Variants in OLFML2A observed in about 807,000 individuals in gnomAD.
The protein encoded by OLFML2A is olfactomedin like 2A.
A neutral mutation model predicts 60.9 loss-of-function variants in OLFML2A; 47 were observed. The ratio of observed to expected loss-of-function variants is 0.77; its 90% confidence interval spans 0.61 to 0.98. OLFML2A has a LOEUF of 0.98. Among genes scored for constraint, OLFML2A ranks in the 50% least tolerant of loss-of-function variants. The probability of loss-of-function intolerance (pLI) is 0.00; values close to 1 mark genes in which losing one functional copy is unlikely to be tolerated. For synonymous variants in OLFML2A, 372 were observed against 375.0 expected (o/e 0.99, Z 0.09); for missense variants, 922 against 879.8 (o/e 1.05, Z -0.61).
chr9:124,806,931 T>C (rs1841905875), intron 6 of OLFML2A, among the ~76,000 whole-genome samples: 1 of 151,750 alleles, frequency 6.6e-6, no homozygotes, highest in East Asian at 1.9e-4. Flanking sequence ...TTATTTTTTT[T>C]GAGGCGGTGT....
intron 2 of OLFML2A, among the ~76,000 whole-genome samples, chr9:124,787,557 AT>A (rs376975857): frequency 1.3e-5 from 2 of 148,782 alleles, no homozygotes; most frequent in East Asian, 4.1e-4. Context: ...ATTTTATTTT[AT>A]TTTATTTTAT....
At position 124,787,216 on chromosome 9, in the gene OLFML2A, A is replaced by G. The variant is rs200507889; in HGVS notation, c.332A>G (p.Lys111Arg). 3.0e-4 allele frequency: 486 copies of G among 1,613,998 alleles called. No homozygotes were observed. The highest frequency in any genetic ancestry group is 3.8e-4 in the Non-Finnish European group (447 of 1,179,972). Residue 111 changes from lysine to arginine, a missense_variant, in exon 2 of 8, where the codon AAG (lysine) becomes AGG (arginine). Lys to Arg is a conservative substitution (Grantham distance 26). Coordinates refer to ENST00000373580, the MANE Select transcript of OLFML2A (RefSeq NM_182487.4). ...GAGTGGAAGATGGAGAAACTCAAAAAGCAGGCGCCCGAGCTCCTCAAGGTA... is the reference window on the plus strand; with the variant it reads ...GAGTGGAAGATGGAGAAACTCAAAAGGCAGGCGCCCGAGCTCCTCAAGGTA... ...ENEWKMEKLKKQAPELLKLQS... is the reference protein window; with the variant it reads ...ENEWKMEKLKRQAPELLKLQS...
chr9:124,793,600 G>A (rs1007931649), intron 2 of OLFML2A, among the ~76,000 whole-genome samples: 1 of 152,304 alleles, frequency 6.6e-6, no homozygotes, highest in Non-Finnish European at 1.5e-5. Flanking sequence ...GTGGCCTTGG[G>A]CAAGTCACTT....
rs1842046368 is a variant in OLFML2A at position 124,812,779 on chromosome 9, A to G, written c.*2367A>G. On this transcript the variant is annotated 3_prime_UTR_variant, in exon 8 of 8. Transcript: ENST00000373580. ...GGCCCCCCTTTCTTCATTAATCTGAAAAAAAGGAAAGTGAGAATAGGCTGA... is the reference window on the plus strand; with the variant it reads ...GGCCCCCCTTTCTTCATTAATCTGAGAAAAAGGAAAGTGAGAATAGGCTGA... 6.6e-6 allele frequency: 1 copy of G among 152,168 alleles called. No individual in the cohort carries two copies. The highest frequency in any genetic ancestry group is 6.6e-5 in the Admixed American group (1 of 15,266). 9.4% of individuals were successfully genotyped at this position (152,168 alleles called of 1,614,324 possible). A position where few individuals can be genotyped will look rare whatever the true frequency, so the allele number is the denominator to read the frequency against.
In OLFML2A at chr9:124,799,261, C is replaced by T. The variant is rs201018322; in HGVS notation, c.463-24C>T. ...TCAGAGGAAGCTGGCCCAGGAAAGACCTCCAATCCTGCCCCCTCCGCAGAG... is the reference window on the plus strand; with the variant it reads ...TCAGAGGAAGCTGGCCCAGGAAAGATCTCCAATCCTGCCCCCTCCGCAGAG... On this transcript the variant is annotated intron_variant, in intron 3 of 7. Coordinates refer to ENST00000373580, the MANE Select transcript of OLFML2A (RefSeq NM_182487.4). The T allele has an allele frequency of 3.2e-6, 5 of 1,538,724 alleles. No individual in the cohort carries two copies. In the African/African-American group the frequency reaches 4.1e-5, roughly 12 times the overall value.
At position 124,788,991 on chromosome 9, in the gene OLFML2A, C is replaced by T. The variant is rs574056731; in HGVS notation, c.354+1753C>T. On this transcript the variant is annotated intron_variant, in intron 2 of 7. Coordinates refer to ENST00000373580, the MANE Select transcript of OLFML2A (RefSeq NM_182487.4). The stretch of plus-strand genomic sequence containing the variant: ...TCTGTTGCCCAGGCTGGAGTGCAGT[C>T]GTGCAAACACAGTTCACTGCAGCCT... Among the ~76,000 whole-genome samples, 8 of 152,144 alleles carry T rather than the reference C, an allele frequency of 5.3e-5. No individual in the cohort carries two copies. In the South Asian group the frequency reaches 1.0e-3, roughly 20 times the overall value.
intron 2 of OLFML2A, among the ~76,000 whole-genome samples, chr9:124,794,352 A>G (rs1588883276): frequency 6.6e-6 from 1 of 152,240 alleles, no homozygotes; most frequent in Non-Finnish European, 1.5e-5. Flanking sequence ...GAAGCCAGGG[A>G]CGGGCACAAA....
At chr9:124,793,373 G>T (rs1841603777) in intron 2 of OLFML2A, among the ~76,000 whole-genome samples, 1 of 152,210 alleles carries the variant, frequency 6.6e-6, no homozygotes, top group Non-Finnish European at 1.5e-5. Context: ...CTGGGCAAGG[G>T]AGGCCCAGCA....
At chr9:124,791,737 C>CAAAAAAAAAAA (rs10553820) in intron 2 of OLFML2A, among the ~76,000 whole-genome samples, 2 of 74,880 alleles carry the variant, frequency 2.7e-5, no homozygotes, top group African/African-American at 5.1e-5. Context: ...GACTCTGTCT[C>CAAAAAAAAAAA]AAAAAAAAAA....
At chr9:124,800,795 C>G in intron 4 of OLFML2A, 1 of 1,314,234 alleles carries the variant, frequency 7.6e-7, no homozygotes, top group Non-Finnish European at 9.8e-7. Flanking sequence ...GTCACAGGCC[C>G]TGTGTTCTTG....
chr9:124,780,120 C>A (rs555727162), intron 1 of OLFML2A, among the ~76,000 whole-genome samples: 2 of 152,160 alleles, frequency 1.3e-5, no homozygotes, highest in Non-Finnish European at 2.9e-5. Flanking sequence ...AGTGCTTTGT[C>A]GGGGCTGGGA....
chr9:124,810,540 G>T lies in OLFML2A; in HGVS notation c.*128G>T. On this transcript the variant is annotated 3_prime_UTR_variant, in exon 8 of 8. Transcript: ENST00000373580. ...CCAGGGCTGGGACTGGGCATGAGGT[G>T]GTCACCAGGATTGAGCTTCCTCAGC... 1.0e-6 allele frequency: 1 copy of T among 959,418 alleles called. No homozygotes were observed. The allele number at this position is 959,418 out of a possible 1,614,324, so 59.4% of individuals were successfully genotyped here. A position where few individuals can be genotyped will look rare whatever the true frequency, so the allele number is the denominator to read the frequency against.
intron 1 of OLFML2A, among the ~76,000 whole-genome samples, chr9:124,782,300 G>A (rs1157182818): frequency 5.3e-5 from 8 of 152,222 alleles, no homozygotes; most frequent in Admixed American, 4.6e-4. Flanking sequence ...CTGATGCTCA[G>A]CTTTCTCCTC....
chr9:124,809,532 C>T (rs1841960753), intron 7 of OLFML2A, among the ~76,000 whole-genome samples: 1 of 151,970 alleles, frequency 6.6e-6, no homozygotes. Flanking sequence ...AAGAATGGGG[C>T]TGATGTCACC....
In OLFML2A at chr9:124,810,243, A is replaced by G. The variant is rs749877608; in HGVS notation, c.1790A>G (p.Gln597Arg). ...AVDTYNQQEG[Q>R]VAYAFDTHTG... ...GACACGTACAACCAGCAGGAAGGCC[A>G]GGTCGCCTACGCTTTCGACACGCAC... The change falls in exon 8 of 8, where the codon CAG becomes CGG. Residue 597 changes from glutamine (Q) to arginine (R), a missense_variant. By Grantham distance (43) the Gln-to-Arg change is conservative. Transcript: ENST00000373580. The G allele has an allele frequency of 6.2e-7, 1 of 1,613,170 alleles. No homozygotes were observed. The highest frequency in any genetic ancestry group is 1.1e-5 in the South Asian group (1 of 91,080).
At chr9:124,780,362 G>A (rs10125041) in intron 1 of OLFML2A, among the ~76,000 whole-genome samples, 18,460 of 152,220 alleles carry the variant, frequency 0.12, 2,792 homozygotes, top group African/African-American at 0.34. Context: ...AAGGGGTGGG[G>A]AGGGGGTCTT....
At position 124,801,411 on chromosome 9, in the gene OLFML2A, C is replaced by A. The variant is rs778495989; in HGVS notation, c.670-3C>A. On this transcript the variant is annotated splice_polypyrimidine_tract_variant and splice_region_variant and intron_variant, in intron 4 of 7. Transcript: ENST00000373580. ...CAAGTCTGAGACTTCTCTTCCCTCC[C>A]AGGACACAGCTAGAGGAAAAGGCAA... 13 of 1,613,810 alleles carry A rather than the reference C, an allele frequency of 8.1e-6. No homozygotes were observed. In the Admixed American group the frequency reaches 2.2e-4, roughly 27 times the overall value.
intron 1 of OLFML2A, among the ~76,000 whole-genome samples, chr9:124,786,660 G>A (rs1400556967): frequency 6.6e-6 from 1 of 151,260 alleles, no homozygotes; most frequent in Non-Finnish European, 1.5e-5. Context: ...GGCGGAGCTT[G>A]CAGTGAGCCG....
chr9:124,799,344 C>T lies in OLFML2A; in HGVS notation c.522C>T (p.Leu174=), dbSNP rs762245421. ...TGGTGAAGGACAGCGTGCGCCACCTCAGTGAGCAGTTGAGGCACTATGAGA... is the reference window on the plus strand; with the variant it reads ...TGGTGAAGGACAGCGTGCGCCACCTTAGTGAGCAGTTGAGGCACTATGAGA... ...NEVVKDSVRH[L]SEQLRHYENH... is the part of the protein sequence containing the mutation. Residue 174 remains leucine (L), a synonymous_variant, in exon 4 of 8, where the codon CTC becomes CTT. Coordinates refer to ENST00000373580, the MANE Select transcript of OLFML2A (RefSeq NM_182487.4). 8.7e-6 allele frequency: 14 copies of T among 1,613,662 alleles called. 1 individual carries two copies. In the South Asian group the frequency reaches 1.3e-4, roughly 15 times the overall value.
Sources: gnomAD v4.1 joint callset for allele counts (sites outside exome capture counted in the v4.1 genomes callset) on GRCh38, gnomAD v4.1.1 for gene constraint, MANE v1.5 for transcripts, NCBI Gene and HGNC (gene_info 2026-07-23, HGNC 2026-07-21) for gene names.